The following IFIT1 variants were observed in gnomAD, a reference collection of about 807,000 sequenced individuals.
IFIT1 encodes antiviral innate immune response effector IFIT1.
IFIT1 carries 1 observed loss-of-function variant against 2.5 expected under a neutral mutation model. The observed-to-expected ratio is 0.40, with a 90% CI of 0.14 to 1.92. The LOEUF is 1.92. IFIT1 is among the 40% of genes most tolerant of loss of function. IFIT1 has a pLI of 0.31. For synonymous variants in IFIT1, 191 were observed against 201.7 expected, an observed-to-expected ratio of 0.95 and a Z score of 0.45; for missense variants, 508 against 557.8, an observed-to-expected ratio of 0.91 and a Z score of 0.90.
At chr10:89,394,590 A>ATATATATTT (rs1844307981) in intron 1 of IFIT1, among the ~76,000 whole-genome samples, 1 of 17,658 alleles carries the variant, frequency 5.7e-5, no homozygotes, top group African/African-American at 3.1e-4. Context: ...ATATATATAT[A>ATATATATTT]TATATATATA....
chr10:89,398,418 T>G (rs1366172382), intron 1 of IFIT1, among the ~76,000 whole-genome samples: 1 of 152,164 alleles, frequency 6.6e-6, no homozygotes, highest in Admixed American at 6.5e-5. Flanking sequence ...AGTAAGCAGC[T>G]CCAGCTTCTC....
chr10:89,394,577 A>AATATATATATATAT (rs200060906), intron 1 of IFIT1, among the ~76,000 whole-genome samples: 3 of 108,744 alleles, frequency 2.8e-5, no homozygotes, highest in Non-Finnish European at 5.4e-5. Flanking sequence ...ACTACAGGAA[A>AATATATATATATAT]ATATATATAT....
chr10:89,397,568 GTCTTACTATGTTGCCCAGACTGA>G (rs1844362796), intron 1 of IFIT1, among the ~76,000 whole-genome samples: 1 of 152,108 alleles, frequency 6.6e-6, no homozygotes, highest in South Asian at 2.1e-4. Flanking sequence ...TAGAGACAGG[GTCTTACTATGTTGCCCAGACTGA>G]TCTTAAACTT....
In IFIT1 at chr10:89,403,338, A is replaced by C. The variant is rs1844471806; in HGVS notation, c.1063A>C (p.Asn355His). 2.5e-6 allele frequency: 4 copies of C among 1,613,134 alleles called. No homozygotes were observed. Among genetic ancestry groups the C allele is most frequent in the Non-Finnish European group, 3.4e-6 (4 of 1,179,770 alleles). Reference protein sequence around the residue: ...DLARMYIEAGNHRKAEENFQK... With the variant: ...DLARMYIEAGHHRKAEENFQK... ...GGCAAGAATGTATATAGAAGCAGGC[A>C]ATCACAGAAAAGCTGAAGAGAATTT... The change falls in exon 2 of 2, where the codon AAT (asparagine) becomes CAT (histidine). Residue 355 changes from asparagine to histidine, a missense_variant. Physicochemically the swap from Asn to His is moderately conservative, Grantham distance 68 (BLOSUM62 1). Coordinates refer to ENST00000371804, the MANE Select transcript of IFIT1 (RefSeq NM_001548.5).
chr10:89,400,565 C>CT (rs1441770934), intron 1 of IFIT1, among the ~76,000 whole-genome samples: 2 of 151,814 alleles, frequency 1.3e-5, no homozygotes, highest in Non-Finnish European at 1.5e-5. Context: ...TCTTAATTTC[C>CT]TTTTGGGATT....
Position 89,403,453 on chromosome 10 carries a change from A to T in IFIT1, c.1178A>T (p.Lys393Ile), listed in dbSNP as rs139524521. ...HYGRFQEFQKKSDVNAIIHYL... is the reference protein window; with the variant it reads ...HYGRFQEFQKISDVNAIIHYL... ...GGTCGGTTTCAGGAATTTCAAAAGA[A>T]ATCTGACGTCAATGCAATTATCCAT... Residue 393 changes from lysine (K) to isoleucine (I), a missense_variant, in exon 2 of 2, where the codon AAA becomes ATA. By Grantham distance (102) the Lys-to-Ile change is moderately radical (BLOSUM62 -3). Coordinates refer to ENST00000371804, the MANE Select transcript of IFIT1 (RefSeq NM_001548.5). The T allele has an allele frequency of 3.7e-6, 6 of 1,613,694 alleles. No homozygotes were observed. In the African/African-American group the frequency reaches 5.3e-5, roughly 14 times the overall value.
Position 89,402,294 on chromosome 10 carries a change from G to T in IFIT1, c.19G>T (p.Asp7Tyr). Reference protein sequence around the residue: MSTNGDDHQVKDSLEQL... With the variant: MSTNGDYHQVKDSLEQL... ...TTGTTTTTACAGTACAAATGGTGAT[G>T]ATCATCAGGTCAAGGATAGTCTGGA... Residue 7 changes from aspartate to tyrosine, a missense_variant, in exon 2 of 2, where the codon GAT becomes TAT. Coordinates refer to ENST00000371804, the MANE Select transcript of IFIT1 (RefSeq NM_001548.5). The T allele has an allele frequency of 6.2e-7, 1 of 1,608,192 alleles. No individual in the cohort carries two copies. The highest frequency in any genetic ancestry group is 8.5e-7 in the Non-Finnish European group (1 of 1,176,810).
At chr10:89,395,558 G>C (rs916778224) in intron 1 of IFIT1, among the ~76,000 whole-genome samples, 1 of 152,072 alleles carries the variant, frequency 6.6e-6, no homozygotes, top group Non-Finnish European at 1.5e-5. Context: ...CTTTCCGAGA[G>C]AGTGGCTGTC....
intron 1 of IFIT1, among the ~76,000 whole-genome samples, chr10:89,394,479 G>A (rs919535754): frequency 6.6e-6 from 1 of 151,294 alleles, no homozygotes; most frequent in Admixed American, 6.6e-5. Context: ...GTTTCCCAAA[G>A]GGTGTCAGTG....
chr10:89,397,766 T>C (rs949589295), intron 1 of IFIT1, among the ~76,000 whole-genome samples: 2 of 152,242 alleles, frequency 1.3e-5, no homozygotes, highest in Non-Finnish European at 1.5e-5. Context: ...TGTTGAACTA[T>C]ACCAATTTAC....
In IFIT1 at chr10:89,402,862, A is replaced by G. The variant is rs895817822; in HGVS notation, c.587A>G (p.Lys196Arg). Residue 196 changes from lysine (K) to arginine (R), a missense_variant, in exon 2 of 2, where the codon AAA (lysine) becomes AGA (arginine). Coordinates refer to ENST00000371804, the MANE Select transcript of IFIT1 (RefSeq NM_001548.5). ...YRLDGFKLATKNHKPFSLLPL... is the reference protein window; with the variant it reads ...YRLDGFKLATRNHKPFSLLPL... ...CTGGATGGCTTTAAATTAGCCACAAAAAATCACAAGCCATTTTCTTTGCTT... is the reference window on the plus strand; with the variant it reads ...CTGGATGGCTTTAAATTAGCCACAAGAAATCACAAGCCATTTTCTTTGCTT... 13 of 1,614,098 alleles carry G rather than the reference A, an allele frequency of 8.1e-6. No individual in the cohort carries two copies. The highest frequency in any genetic ancestry group is 8.5e-6 in the Non-Finnish European group (10 of 1,180,052).
chr10:89,402,589 A>G lies in IFIT1; in HGVS notation c.314A>G (p.Tyr105Cys), dbSNP rs1246465430. The change falls in exon 2 of 2, where the codon TAT becomes TGT. Residue 105 changes from tyrosine (Y) to cysteine (C), a missense_variant. Physicochemically the swap from Tyr to Cys is radical, Grantham distance 194 (BLOSUM62 -2). Coordinates refer to ENST00000371804, the MANE Select transcript of IFIT1 (RefSeq NM_001548.5). ...ACCTGGGGCAACTTTGCCTGGATGTATTACCACATGGGCAGACTGGCAGAA... is the reference window on the plus strand; with the variant it reads ...ACCTGGGGCAACTTTGCCTGGATGTGTTACCACATGGGCAGACTGGCAGAA... ...LVTWGNFAWM[Y>C]YHMGRLAEAQ... is the part of the protein sequence containing the mutation. 6.2e-7 allele frequency: 1 copy of G among 1,614,234 alleles called. No homozygotes were observed. The highest frequency in any genetic ancestry group is 2.2e-5 in the East Asian group (1 of 44,888).
chr10:89,403,627 G>A lies in IFIT1; in HGVS notation c.1352G>A (p.Gly451Glu). The A allele has an allele frequency of 1.2e-6, 2 of 1,614,082 alleles. No homozygotes were observed. Among genetic ancestry groups the A allele is most frequent in the Non-Finnish European group, 1.7e-6 (2 of 1,179,968 alleles). The change falls in exon 2 of 2, where the codon GGA (glycine) becomes GAA (glutamate). Residue 451 changes from glycine (G) to glutamate (E), a missense_variant. Physicochemically the swap from Gly to Glu is moderately conservative, Grantham distance 98 (BLOSUM62 -2). Coordinates refer to ENST00000371804, the MANE Select transcript of IFIT1 (RefSeq NM_001548.5). ...SLLGFVYKLE[G>E]NMNEALEYYE... ...CTTGGGTTCGTCTACAAATTGGAAGGAAATATGAATGAAGCCCTGGAGTAC... is the reference window on the plus strand; with the variant it reads ...CTTGGGTTCGTCTACAAATTGGAAGAAAATATGAATGAAGCCCTGGAGTAC...
At chr10:89,394,597 TA>T (rs1225659715) in intron 1 of IFIT1, among the ~76,000 whole-genome samples, 315 of 19,076 alleles carry the variant, frequency 0.017, 14 homozygotes, top group African/African-American at 0.093. Flanking sequence ...TATATATATA[TA>T]TATATATATA....
intron 1 of IFIT1, among the ~76,000 whole-genome samples, chr10:89,399,361 A>C (rs1235218199): frequency 6.6e-6 from 1 of 152,088 alleles, no homozygotes; most frequent in Non-Finnish European, 1.5e-5. Flanking sequence ...CCATGCATAA[A>C]AGTTTTTAAT....
At chr10:89,400,362 T>C (rs1303837896) in intron 1 of IFIT1, among the ~76,000 whole-genome samples, 1 of 152,210 alleles carries the variant, frequency 6.6e-6, no homozygotes. Flanking sequence ...TAGATCACTT[T>C]GGGTAGTATT....
At position 89,396,361 on chromosome 10, in the gene IFIT1, A is replaced by T. The variant is rs527507504; in HGVS notation, c.5+3644A>T. Among the ~76,000 whole-genome samples, 36 of 152,326 alleles carry T rather than the reference A, an allele frequency of 2.4e-4. 2 individuals carry two copies. The South Asian group carries it at 5.4e-3, about 23-fold the overall frequency. ...TTTAGCTCACAGTTCCGCAGCCCAT[A>T]CAAGAAGTATGGTGCTGGCATCTTC... On this transcript the variant is annotated intron_variant, in intron 1 of 1. Coordinates refer to ENST00000371804, the MANE Select transcript of IFIT1 (RefSeq NM_001548.5).
intron 1 of IFIT1, among the ~76,000 whole-genome samples, chr10:89,395,663 A>G (rs1844332273): frequency 6.6e-6 from 1 of 152,196 alleles, no homozygotes; most frequent in South Asian, 2.1e-4. Context: ...ACCTAGACAT[A>G]GATCAGACGC....
At position 89,404,585 on chromosome 10, in the gene IFIT1, A is replaced by G. The variant is rs1295270364; in HGVS notation, c.*873A>G. The G allele has an allele frequency of 6.6e-6, 1 of 152,186 alleles. No homozygotes were observed. The highest frequency in any genetic ancestry group is 6.5e-5 in the Admixed American group (1 of 15,276). The allele number at this position is 152,186 out of a possible 1,614,324, so 9.4% of individuals were successfully genotyped here. The stretch of plus-strand genomic sequence containing the variant: ...TGTGTCTAGCCAATCCACCAACCAT[A>G]AAACTTCTGTAATACCCTCCCTTCC... On this transcript the variant is annotated 3_prime_UTR_variant, in exon 2 of 2. Transcript: ENST00000371804.
Sources: gnomAD v4.1 joint callset for allele counts (sites outside exome capture counted in the v4.1 genomes callset) on GRCh38, gnomAD v4.1.1 for gene constraint, MANE v1.5 for transcripts, NCBI Gene and HGNC (gene_info 2026-07-23, HGNC 2026-07-21) for gene names.